The following ZNF536 variants were observed in gnomAD, a reference collection of about 807,000 sequenced individuals.
ZNF536 encodes the protein zinc finger protein 536.
ZNF536 carries 13 observed loss-of-function variants against 84.5 expected under a neutral mutation model. The ratio of observed to expected loss-of-function variants is 0.15; its 90% CI spans 0.10 to 0.24. The LOEUF (loss-of-function observed/expected upper bound fraction) is 0.24, where lower values mean the gene tolerates loss of function less well. Ranked by LOEUF, ZNF536 falls within the 10% of genes least tolerant of loss-of-function variation. The pLI is 1.00. For missense variants in ZNF536, 1,536 were observed against 1,747.5 expected, an observed-to-expected ratio of 0.88 and a Z score of 2.16; for synonymous variants, 811 against 742.5, an observed-to-expected ratio of 1.09 and a Z score of -1.50.
intron 2 of ZNF536, among the ~76,000 whole-genome samples, chr19:30,489,976 G>T (rs2054445498): frequency 6.6e-6 from 1 of 152,220 alleles, no homozygotes; most frequent in Admixed American, 6.5e-5. Context: ...TGCACACTCT[G>T]TTCTTGTCTG....
chr19:30,486,080 CT>C (rs886847579), intron 2 of ZNF536, among the ~76,000 whole-genome samples: 2 of 151,394 alleles, frequency 1.3e-5, no homozygotes, highest in Admixed American at 6.6e-5. Flanking sequence ...TATTTTCTTT[CT>C]TTTTTTTTCT....
chr19:30,585,601 C>A (rs2047068247), intron 1 of ZNF536, among the ~76,000 whole-genome samples: 1 of 152,154 alleles, frequency 6.6e-6, no homozygotes. Context: ...GGGTGGGATG[C>A]CACTGCTTGG....
At chr19:30,494,054 A>AT (rs931696399) in intron 2 of ZNF536, among the ~76,000 whole-genome samples, 8 of 152,216 alleles carry the variant, frequency 5.3e-5, no homozygotes, top group Admixed American at 5.2e-4. Context: ...CATCCCTCTC[A>AT]TTCAGCTATT....
chr19:30,508,361 T>C (rs2055258548), intron 2 of ZNF536, among the ~76,000 whole-genome samples: 1 of 152,204 alleles, frequency 6.6e-6, no homozygotes, highest in African/African-American at 2.4e-5. Flanking sequence ...GCTATGGCTG[T>C]AGAGGATGGG....
intron 2 of ZNF536, among the ~76,000 whole-genome samples, chr19:30,480,608 A>G (rs567913873): frequency 3.9e-5 from 6 of 152,326 alleles, no homozygotes; most frequent in African/African-American, 1.4e-4. Context: ...TGCAGGGCTT[A>G]AAACCTAGAT....
At chr19:30,312,271 G>A (rs2046530999) in intron 2 of ZNF536, among the ~76,000 whole-genome samples, 1 of 152,010 alleles carries the variant, frequency 6.6e-6, no homozygotes, top group Admixed American at 6.6e-5. Context: ...GAAGGTCTGT[G>A]GGCACCCCAG....
intron 2 of ZNF536, among the ~76,000 whole-genome samples, chr19:30,464,507 A>G (rs1280172333): frequency 1.3e-5 from 2 of 152,040 alleles, no homozygotes; most frequent in Non-Finnish European, 2.9e-5. Flanking sequence ...ATAAGAAGGT[A>G]GTGGGTTAGG....
At chr19:30,685,513 A>C (rs2051142110) in intron 1 of ZNF536, among the ~76,000 whole-genome samples, 1 of 152,164 alleles carries the variant, frequency 6.6e-6, no homozygotes, top group Non-Finnish European at 1.5e-5. Context: ...CATGGAACCC[A>C]GGGAGGTAGA....
intron 1 of ZNF536, among the ~76,000 whole-genome samples, chr19:30,595,350 ACAT>A (rs965751605): frequency 3.9e-5 from 6 of 151,986 alleles, no homozygotes; most frequent in African/African-American, 1.5e-4. Flanking sequence ...TACAGTGTTG[ACAT>A]CATAGTTCAC....
chr19:30,365,320 C>T lies in ZNF536; in HGVS notation c.-3+12836C>T, dbSNP rs2146939815. Among the ~76,000 whole-genome samples the T allele has an allele frequency of 2.0e-5, 3 of 152,138 alleles. No homozygotes were observed. The Middle Eastern group carries it at 0.01, about 517-fold the overall frequency. ...TGTCCCTGTTCCTCCCCAAACTTTC[C>T]TTCTCCCCTCCCCTCTCTGTTGTCT... On this transcript the variant is annotated intron_variant, in intron 3 of 5. Coordinates refer to the ZNF536 transcript ENST00000585628.
intron 1 of ZNF536, among the ~76,000 whole-genome samples, chr19:30,578,245 C>T (rs190385994): frequency 1.1e-3 from 168 of 152,330 alleles, no homozygotes; most frequent in Admixed American, 4.2e-3. Flanking sequence ...AAATGTTCCT[C>T]TGACTCAGAG....
intron 2 of ZNF536, among the ~76,000 whole-genome samples, chr19:30,323,529 G>C (rs2046925459): frequency 6.6e-6 from 1 of 152,214 alleles, no homozygotes; most frequent in African/African-American, 2.4e-5. Context: ...GGATTTAGAA[G>C]TGCTGAATAA....
At chr19:30,574,704 G>A (rs560192298) in intron 1 of ZNF536, among the ~76,000 whole-genome samples, 1 of 152,326 alleles carries the variant, frequency 6.6e-6, no homozygotes. Flanking sequence ...GCCAGGCCAG[G>A]CCATGTCACA....
chr19:30,678,734 C>CT (rs1568663725), intron 1 of ZNF536, among the ~76,000 whole-genome samples: 2 of 49,896 alleles, frequency 4.0e-5, no homozygotes, highest in Non-Finnish European at 1.0e-4. Flanking sequence ...CACCCCCAAG[C>CT]CCCCCCACAC....
chr19:30,442,794 A>G (rs1043655363), intron 1 of ZNF536, among the ~76,000 whole-genome samples: 1 of 152,234 alleles, frequency 6.6e-6, no homozygotes, highest in African/African-American at 2.4e-5. Flanking sequence ...TTAAAATTTA[A>G]TATACCTCGT....
chr19:30,393,958 T>C (rs1483877823), intron 1 of ZNF536, among the ~76,000 whole-genome samples: 1 of 152,148 alleles, frequency 6.6e-6, no homozygotes, highest in African/African-American at 2.4e-5. Flanking sequence ...AGAAAGCAGA[T>C]GTGAAACATG....
chr19:30,329,068 A>G (rs535772841), intron 2 of ZNF536, among the ~76,000 whole-genome samples: 5 of 152,272 alleles, frequency 3.3e-5, no homozygotes, highest in Non-Finnish European at 7.3e-5. Flanking sequence ...TGCTTTGCAA[A>G]TGTCGGTGTG....
At position 30,498,614 on chromosome 19, in the gene ZNF536, A is replaced by T. The variant is rs80011541; in HGVS notation, c.2171-36233A>T. Among the ~76,000 whole-genome samples the T allele has an allele frequency of 1.5e-4, 23 of 152,076 alleles. No individual in the cohort carries two copies. The East Asian group carries it at 1.9e-3, about 13-fold the overall frequency. ...GAATTAAAAATTAAAAATAAAAAAA[A>T]GTTTCAAATAAAAGTCATAGAAACG... On this transcript the variant is annotated intron_variant, in intron 2 of 4. Coordinates refer to ENST00000355537, the MANE Select transcript of ZNF536 (RefSeq NM_014717.3).
At position 30,445,610 on chromosome 19, in the gene ZNF536, T is replaced by G. The variant is rs909932455; in HGVS notation, c.2048T>G (p.Val683Gly). The G allele has an allele frequency of 6.2e-7, 1 of 1,612,802 alleles. No individual in the cohort carries two copies. The highest frequency in any genetic ancestry group is 8.5e-7 in the Non-Finnish European group (1 of 1,179,638). Residue 683 changes from valine to glycine, a missense_variant, in exon 2 of 5, where the codon GTG (valine) becomes GGG (glycine). This residue lies in a region of ZNF536 where 148 missense variants were observed against 205.4 expected (regional missense o/e 0.72). Coordinates refer to ENST00000355537, the MANE Select transcript of ZNF536 (RefSeq NM_014717.3). The surrounding 1 kb of genome is among the most constrained non-coding windows in gnomAD (Gnocchi z 4.5). Reference protein sequence around the residue: ...GSGSDQESQSVSRSTTPGSSN... With the variant: ...GSGSDQESQSGSRSTTPGSSN... Reference sequence around the variant, plus strand: ...GGCAGTGACCAGGAGTCCCAGTCGGTGAGCCGCTCCACCACGCCGGGCTCC... The same window carrying G: ...GGCAGTGACCAGGAGTCCCAGTCGGGGAGCCGCTCCACCACGCCGGGCTCC...
Sources: gnomAD v4.1 joint callset for allele counts (sites outside exome capture counted in the v4.1 genomes callset) on GRCh38, gnomAD v4.1.1 for gene constraint, gnomAD v4.1.1 regional missense constraint, Gnocchi (gnomAD v3.1) non-coding constraint, MANE v1.5 for transcripts, NCBI Gene and HGNC (gene_info 2026-07-23, HGNC 2026-07-21) for gene names.